Variants in DLGAP2 observed in about 807,000 individuals in gnomAD.
DLGAP2 encodes disks large-associated protein 2.
In DLGAP2, 26 loss-of-function variants were observed where a neutral mutation model predicts 100.3. The observed-to-expected ratio is 0.26, with a 90% CI of 0.19 to 0.36. DLGAP2 has a LOEUF of 0.36. DLGAP2 is among the 10% of genes least tolerant of loss of function. The pLI is 1.00. For missense variants in DLGAP2, 1,858 were observed against 1,453.2 expected (o/e 1.28, Z -4.53); for synonymous variants, 886 against 630.1 (o/e 1.41, Z -6.08).
At chr8:1,434,227 G>T (rs1458025730) in intron 3 of DLGAP2, among the ~76,000 whole-genome samples, 1 of 152,170 alleles carries the variant, frequency 6.6e-6, no homozygotes, top group Non-Finnish European at 1.5e-5. Context: ...TGGATTCTCA[G>T]ACTGGCCCTG....
At chr8:1,283,120 C>T (rs994296650) in intron 3 of DLGAP2, among the ~76,000 whole-genome samples, 34 of 144,008 alleles carry the variant, frequency 2.4e-4, no homozygotes, top group African/African-American at 7.7e-4. Context: ...CTGAACCATC[C>T]GGACATGGTG....
chr8:827,589 C>G (rs1385800416), intron 1 of DLGAP2, among the ~76,000 whole-genome samples: 1 of 152,152 alleles, frequency 6.6e-6, no homozygotes, highest in East Asian at 1.9e-4. Flanking sequence ...TGTGCTTAGA[C>G]AAGCATAAGA....
chr8:1,239,976 GT>G (rs1798748291), intron 2 of DLGAP2, among the ~76,000 whole-genome samples: 5 of 124,960 alleles, frequency 4.0e-5, no homozygotes, highest in Admixed American at 8.7e-5. Flanking sequence ...CACACATAGC[GT>G]CTTGTCTAGT....
At chr8:860,906 A>T (rs1330144026) in intron 1 of DLGAP2, among the ~76,000 whole-genome samples, 1 of 152,164 alleles carries the variant, frequency 6.6e-6, no homozygotes, top group African/African-American at 2.4e-5. Flanking sequence ...GTGGAGGAGC[A>T]ATGGGCATTC....
chr8:1,296,744 G>C (rs911635363), intron 3 of DLGAP2, among the ~76,000 whole-genome samples: 1 of 152,186 alleles, frequency 6.6e-6, no homozygotes, highest in African/African-American at 2.4e-5. Flanking sequence ...GTTCGCTTGC[G>C]GGAAACGTGG....
intron 2 of DLGAP2, among the ~76,000 whole-genome samples, chr8:1,132,730 A>G (rs1177939914): frequency 4.6e-5 from 7 of 152,158 alleles, no homozygotes; most frequent in Admixed American, 4.6e-4. Context: ...AGGATTTTTA[A>G]AGGTAGGGTT....
chr8:1,450,347 GCGACCT>G (rs201863559), intron 3 of DLGAP2, among the ~76,000 whole-genome samples: 1 of 104,868 alleles, frequency 9.5e-6, no homozygotes, highest in Non-Finnish European at 2.0e-5. Flanking sequence ...GACGAGGTGG[GCGACCT>G]CGGTGGCTGA....
In DLGAP2 at chr8:1,645,906, A is replaced by G. The variant is rs565449214; in HGVS notation, c.1810+12860A>G. 5.3e-5 allele frequency among the ~76,000 whole-genome samples: 8 copies of G among 152,304 alleles called. No individual in the cohort carries two copies. In the South Asian group the frequency reaches 8.3e-4, roughly 16 times the overall value. On this transcript the variant is annotated intron_variant, in intron 8 of 14. Transcript: ENST00000637795. ...AAGGGGAGTGGACGTCTTGCTCCCAACACGTCATATTCCAGCCTTGTCTTT... is the reference window on the plus strand; with the variant it reads ...AAGGGGAGTGGACGTCTTGCTCCCAGCACGTCATATTCCAGCCTTGTCTTT...
intron 2 of DLGAP2, among the ~76,000 whole-genome samples, chr8:1,126,679 C>A (rs1318997658): frequency 6.6e-6 from 1 of 152,090 alleles, no homozygotes; most frequent in Non-Finnish European, 1.5e-5. Flanking sequence ...CTGCTGAGGG[C>A]TTTGATTAAG....
chr8:1,583,915 G>A (rs975126468), intron 6 of DLGAP2, among the ~76,000 whole-genome samples: 3 of 151,942 alleles, frequency 2.0e-5, no homozygotes, highest in Non-Finnish European at 4.4e-5. Context: ...ACTTGAAGTC[G>A]GCTGTTCACC....
intron 2 of DLGAP2, among the ~76,000 whole-genome samples, chr8:1,183,814 C>T (rs756945377): frequency 8.5e-5 from 13 of 152,328 alleles, no homozygotes; most frequent in Non-Finnish European, 1.6e-4. Flanking sequence ...ACACCCTTTG[C>T]AAGCCTTCAG....
chr8:824,550 C>T (rs1796650405), intron 1 of DLGAP2, among the ~76,000 whole-genome samples: 1 of 152,134 alleles, frequency 6.6e-6, no homozygotes, highest in Admixed American at 6.5e-5. Flanking sequence ...TTCGTGACTC[C>T]TGTCCCCACC....
intron 2 of DLGAP2, among the ~76,000 whole-genome samples, chr8:1,235,996 A>G (rs62487768): frequency 3.3e-3 from 18 of 5,518 alleles, no homozygotes; most frequent in East Asian, 0.012. Context: ...TCTCTCACAC[A>G]TAGCGTCATG....
intron 3 of DLGAP2, among the ~76,000 whole-genome samples, chr8:1,278,373 G>A (rs73670704): frequency 0.014 from 2,104 of 152,256 alleles, 49 homozygotes; most frequent in African/African-American, 0.047. Context: ...CCATGTCATC[G>A]GCGCAGTCGT....
chr8:880,970 T>A lies in DLGAP2; in HGVS notation c.19-26942T>A, dbSNP rs144507158. On this transcript the variant is annotated intron_variant, in intron 1 of 14. Coordinates refer to ENST00000637795, the MANE Select transcript of DLGAP2 (RefSeq NM_001346810.2). ...ATCTAATTGCACAGCCAACTTTCTA[T>A]CTCCAGGACTTGCACAACAGCTCAT... Among the ~76,000 whole-genome samples, 771 of 152,338 alleles carry A rather than the reference T, an allele frequency of 5.1e-3. 3 individuals are homozygous for A. Among genetic ancestry groups the A allele is most frequent in the Non-Finnish European group, 7.3e-3 (499 of 68,036 alleles).
rs148544987 is a variant in DLGAP2 at position 1,520,649 on chromosome 8, C to G, written c.172+19218C>G. 4.9e-3 allele frequency among the ~76,000 whole-genome samples: 750 copies of G among 152,262 alleles called. 5 individuals are homozygous for G. The highest frequency in any genetic ancestry group is 0.017 in the African/African-American group (716 of 41,530). On this transcript the variant is annotated intron_variant, in intron 4 of 14. Coordinates refer to ENST00000637795, the MANE Select transcript of DLGAP2 (RefSeq NM_001346810.2). ...TCTTTCGCTACCTTTGTAGTTCTGC[C>G]TTTTCCAGAATGACCCATGGATTCA...
At chr8:1,204,702 C>G (rs1269142641) in intron 2 of DLGAP2, among the ~76,000 whole-genome samples, 1 of 152,060 alleles carries the variant, frequency 6.6e-6, no homozygotes, top group Non-Finnish European at 1.5e-5. Flanking sequence ...TGACATCTGC[C>G]TGGAAATGAG....
At chr8:1,663,692 C>T (rs781503507) in intron 8 of DLGAP2, among the ~76,000 whole-genome samples, 12 of 152,100 alleles carry the variant, frequency 7.9e-5, no homozygotes, top group Non-Finnish European at 1.6e-4. Context: ...CTGTGACTTG[C>T]CTGTGAGTCT....
At chr8:1,669,525 T>C (rs916963473) in intron 9 of DLGAP2, among the ~76,000 whole-genome samples, 2 of 152,230 alleles carry the variant, frequency 1.3e-5, no homozygotes, top group Non-Finnish European at 2.9e-5. Context: ...CTGCTTCCTT[T>C]TACCCCTTCA....
Sources: allele counts gnomAD v4.1 joint callset (sites outside exome capture counted in the v4.1 genomes callset), GRCh38; gene constraint gnomAD v4.1.1; transcripts MANE v1.5; gene names NCBI Gene and HGNC (gene_info 2026-07-23, HGNC 2026-07-21).